Variants in FOSL2 observed in about 807,000 individuals in gnomAD.
FOSL2 encodes the protein fos-related antigen 2.
Under a neutral mutation model 27.7 loss-of-function variants are expected in FOSL2, and 3 were observed. The ratio of observed to expected loss-of-function variants is 0.11; its 90% CI spans 0.05 to 0.28. The LOEUF (loss-of-function observed/expected upper bound fraction) is 0.28. Ranked by LOEUF, FOSL2 falls within the 10% of genes least tolerant of loss-of-function variation. FOSL2 has a pLI of 1.00. For missense variants in FOSL2, 333 were observed against 445.1 expected (o/e 0.75, Z 2.27); for synonymous variants, 179 against 190.1 (o/e 0.94, Z 0.48).
intron 1 of FOSL2, among the ~76,000 whole-genome samples, chr2:28,397,406 C>T (rs1462585147): frequency 1.3e-5 from 2 of 150,764 alleles, no homozygotes; most frequent in African/African-American, 4.9e-5. Flanking sequence ...TTTTTTTTTT[C>T]CCCTTGATGT....
Position 28,413,812 on chromosome 2 carries a change from G to A in FOSL2, c.*1364G>A, listed in dbSNP as rs895287056. On this transcript the variant is annotated 3_prime_UTR_variant, in exon 4 of 4. Transcript: ENST00000264716. ...CTGTGAACAGCTGGCCTGAGCTGTC[G>A]CTGTGGCTTGTGGCTCATGCGCCAT... The A allele has an allele frequency of 5.8e-5, 23 of 398,872 alleles. No individual in the cohort carries two copies. The highest frequency in any genetic ancestry group is 1.3e-3 in the Middle Eastern group (2 of 1,588). The allele number at this position is 398,872 out of a possible 1,614,324, so 24.7% of individuals were successfully genotyped here.
Position 28,393,934 on chromosome 2 carries a change from G to T in FOSL2, c.102+112G>T, listed in dbSNP as rs892888484. 1.3e-6 allele frequency: 1 copy of T among 767,352 alleles called. No individual in the cohort carries two copies. Among genetic ancestry groups the T allele is most frequent in the Non-Finnish European group, 2.1e-6 (1 of 476,558 alleles). The allele number at this position is 767,352 out of a possible 1,614,324, so 47.5% of individuals were successfully genotyped here. A position where few individuals can be genotyped will look rare whatever the true frequency, so the allele number is the denominator to read the frequency against. On this transcript the variant is annotated intron_variant, in intron 1 of 3. Transcript: ENST00000264716. The surrounding 1 kb of genome is among the most constrained non-coding windows in gnomAD (Gnocchi z 4.6). ...TTTCTTGGCGAGAAAATACCTACGG[G>T]CCACCGTTGTAAGTTCTGGATTTTC...
At chr2:28,401,014 A>C (rs898691059) in intron 1 of FOSL2, among the ~76,000 whole-genome samples, 8 of 152,144 alleles carry the variant, frequency 5.3e-5, no homozygotes, top group Non-Finnish European at 8.8e-5. Flanking sequence ...CATTGTGCTG[A>C]ATGCCTCAGG....
chr2:28,415,338 C>T lies in FOSL2; in HGVS notation c.*2890C>T, dbSNP rs1257372385. On this transcript the variant is annotated 3_prime_UTR_variant, in exon 4 of 4. Coordinates refer to ENST00000264716, the MANE Select transcript of FOSL2 (RefSeq NM_005253.4). ...TGCTGGCACAGGAAGGAGAGGCGAT[C>T]CCGGCTGAGGCTTAGGAAATTGCTG... 1 of 152,212 alleles carries T rather than the reference C, an allele frequency of 6.6e-6. No individual in the cohort carries two copies. Among genetic ancestry groups the T allele is most frequent in the Non-Finnish European group, 1.5e-5 (1 of 68,058 alleles). The allele number at this position is 152,212 out of a possible 1,614,324, so 9.4% of individuals were successfully genotyped here. A position where few individuals can be genotyped will look rare whatever the true frequency, so the allele number is the denominator to read the frequency against.
intron 1 of FOSL2, among the ~76,000 whole-genome samples, chr2:28,402,955 A>G (rs1206277529): frequency 1.3e-5 from 2 of 152,244 alleles, no homozygotes; most frequent in Non-Finnish European, 2.9e-5. Flanking sequence ...TAGGTAAGCC[A>G]TGGTGTCTGA....
rs1419156570 is a variant in FOSL2 at position 28,392,904 on chromosome 2, C to G, written c.-817C>G. The G allele has an allele frequency of 4.2e-6, 3 of 713,052 alleles. No homozygotes were observed. In the East Asian group the frequency reaches 8.1e-5, roughly 19 times the overall value. The allele number at this position is 713,052 out of a possible 1,614,324, so 44.2% of individuals were successfully genotyped here. On this transcript the variant is annotated 5_prime_UTR_variant, in exon 1 of 4. Coordinates refer to ENST00000264716, the MANE Select transcript of FOSL2 (RefSeq NM_005253.4). ...AGCGCTAGGGCTCCGAGCGAACCAG[C>G]GAGCGAGCGAACGAGCGGCGCTCGG...
rs1664254815 is a variant in FOSL2, at chr2:28,413,648, T to C, written c.*1200T>C. Reference sequence around the variant, plus strand: ...GCCCCAGCACCCGCTCAGCCTGTCCTGGCTGCTCACCTCCCCGCAGGGCAC... The same window carrying C: ...GCCCCAGCACCCGCTCAGCCTGTCCCGGCTGCTCACCTCCCCGCAGGGCAC... On this transcript the variant is annotated 3_prime_UTR_variant, in exon 4 of 4. Transcript: ENST00000264716. 2 of 398,950 alleles carry C rather than the reference T, an allele frequency of 5.0e-6. No individual in the cohort carries two copies. The highest frequency in any genetic ancestry group is 4.1e-5 in the African/African-American group (2 of 48,658). The allele number at this position is 398,950 out of a possible 1,614,324, so 24.7% of individuals were successfully genotyped here.
Position 28,413,695 on chromosome 2 carries a change from G to T in FOSL2, c.*1247G>T. ...GCACCGGGCCTTTCCTGCCCTCTGTGGTCATCTGCCACCTGCTGGATCAAG... is the reference window on the plus strand; with the variant it reads ...GCACCGGGCCTTTCCTGCCCTCTGTTGTCATCTGCCACCTGCTGGATCAAG... On this transcript the variant is annotated 3_prime_UTR_variant, in exon 4 of 4. Transcript: ENST00000264716. The T allele has an allele frequency of 2.5e-6, 1 of 399,204 alleles. No individual in the cohort carries two copies. The highest frequency in any genetic ancestry group is 4.4e-6 in the Non-Finnish European group (1 of 226,498). The allele number at this position is 399,204 out of a possible 1,614,324, so 24.7% of individuals were successfully genotyped here.
At chr2:28,398,997 G>T (rs188173514) in intron 1 of FOSL2, among the ~76,000 whole-genome samples, 6 of 152,244 alleles carry the variant, frequency 3.9e-5, no homozygotes, top group Admixed American at 3.9e-4. Context: ...TCTCTTCTTG[G>T]GAGCCAATCT....
chr2:28,409,249 G>A (rs971315285), intron 3 of FOSL2, among the ~76,000 whole-genome samples: 1 of 152,126 alleles, frequency 6.6e-6, no homozygotes, highest in Non-Finnish European at 1.5e-5. Context: ...GCTGCTTCCC[G>A]AGGTTCCAGC....
chr2:28,411,151 A>G (rs1664189591), intron 3 of FOSL2, among the ~76,000 whole-genome samples: 1 of 147,268 alleles, frequency 6.8e-6, no homozygotes, highest in South Asian at 2.1e-4. Context: ...CTCTGTCTCA[A>G]AAAAAAAAAA....
In FOSL2 at chr2:28,400,662, C is replaced by T. The variant is rs183928953; in HGVS notation, c.103-3445C>T. Among the ~76,000 whole-genome samples the T allele has an allele frequency of 1.1e-4, 16 of 152,268 alleles. No homozygotes were observed. In the East Asian group the frequency reaches 1.5e-3, roughly 15 times the overall value. On this transcript the variant is annotated intron_variant, in intron 1 of 3. Coordinates refer to ENST00000264716, the MANE Select transcript of FOSL2 (RefSeq NM_005253.4). ...TCCTGTCTGAAACAAGGTGTACATG[C>T]GTTTCAGAGGCAGTCATTACCTCCT... is the stretch of plus-strand genomic sequence containing the variant.
rs1663721169 is a variant in FOSL2, at chr2:28,393,420, C to T, written c.-301C>T. 10 of 350,188 alleles carry T rather than the reference C, an allele frequency of 2.9e-5. No individual in the cohort carries two copies. In the East Asian group the frequency reaches 6.3e-4, roughly 22 times the overall value. The allele number at this position is 350,188 out of a possible 1,614,324, so 21.7% of individuals were successfully genotyped here. Reference sequence around the variant, plus strand: ...CTGCGCGCGGGGGCGGGAGGGCGCGCGCAGGGGAGGGACCGAGAGACGCGC... The same window carrying T: ...CTGCGCGCGGGGGCGGGAGGGCGCGTGCAGGGGAGGGACCGAGAGACGCGC... On this transcript the variant is annotated 5_prime_UTR_variant, in exon 1 of 4. Transcript: ENST00000264716. This position sits in a 1 kb window ranked among gnomAD's most constrained non-coding sequence, Gnocchi z 4.6.
chr2:28,393,464 G>C lies in FOSL2; in HGVS notation c.-257G>C, dbSNP rs1340458594. The C allele has an allele frequency of 2.2e-6, 1 of 453,044 alleles. No individual in the cohort carries two copies. The highest frequency in any genetic ancestry group is 2.1e-5 in the African/African-American group (1 of 47,434). 28.1% of individuals were successfully genotyped at this position (453,044 alleles called of 1,614,324 possible). A position where few individuals can be genotyped will look rare whatever the true frequency, so the allele number is the denominator to read the frequency against. ...GACGCGCCGACTTTTTAGAGGGAGG[G>C]ATCGGGTGGACAACTGGTCCCGCGG... On this transcript the variant is annotated 5_prime_UTR_variant, in exon 1 of 4. Transcript: ENST00000264716. This position sits in a 1 kb window ranked among gnomAD's most constrained non-coding sequence, Gnocchi z 4.6.
At position 28,411,935 on chromosome 2, in the gene FOSL2, A is replaced by T. The variant is rs772174969; in HGVS notation, c.468A>T (p.Thr156=). ...RELTEKLQAE[T]EELEEEKSGL... ...TCCCTCTCTTTCCGTGGCAGGAGAC[A>T]GAGGAGCTGGAGGAGGAGAAGTCAG... is the stretch of plus-strand genomic sequence containing the variant. The change falls in exon 4 of 4, where the codon ACA becomes ACT. Residue 156 remains threonine, a synonymous_variant. Coordinates refer to ENST00000264716, the MANE Select transcript of FOSL2 (RefSeq NM_005253.4). 2 of 1,614,048 alleles carry T rather than the reference A, an allele frequency of 1.2e-6. No individual in the cohort carries two copies. Among genetic ancestry groups the T allele is most frequent in the African/African-American group, 2.7e-5 (2 of 74,916 alleles).
In FOSL2 at chr2:28,404,448, A is replaced by G; in HGVS notation, c.354+90A>G. ...GGGTTTCTGCAGACTGGGAGGGTTA[A>G]TGTTCTGAGAGCAGGGGAGACAAGG... is the stretch of plus-strand genomic sequence containing the variant. On this transcript the variant is annotated intron_variant, in intron 2 of 3. Coordinates refer to ENST00000264716, the MANE Select transcript of FOSL2 (RefSeq NM_005253.4). This position sits in a 1 kb window ranked among gnomAD's most constrained non-coding sequence, Gnocchi z 4.7. 1 of 1,465,004 alleles carries G rather than the reference A, an allele frequency of 6.8e-7. No individual in the cohort carries two copies. The highest frequency in any genetic ancestry group is 9.2e-7 in the Non-Finnish European group (1 of 1,081,506). The allele number at this position is 1,465,004 out of a possible 1,614,324, so 90.8% of individuals were successfully genotyped here. A position where few individuals can be genotyped will look rare whatever the true frequency, so the allele number is the denominator to read the frequency against.
Position 28,408,880 on chromosome 2 carries a change from C to T in FOSL2, c.462+14C>T, listed in dbSNP as rs1312332827. The T allele has an allele frequency of 2.5e-6, 4 of 1,581,754 alleles. No homozygotes were observed. Among genetic ancestry groups the T allele is most frequent in the African/African-American group, 1.3e-5 (1 of 74,176 alleles). Reference sequence around the variant, plus strand: ...AAGCTGCAGGCGGTGAGGAACTCTGCGTAGGGTGGGAGCACCTCTGGGTGG... The same window carrying T: ...AAGCTGCAGGCGGTGAGGAACTCTGTGTAGGGTGGGAGCACCTCTGGGTGG... On this transcript the variant is annotated intron_variant, in intron 3 of 3. Transcript: ENST00000264716. This position sits in a 1 kb window ranked among gnomAD's most constrained non-coding sequence, Gnocchi z 4.1.
chr2:28,412,430 C>A lies in FOSL2; in HGVS notation c.963C>A (p.Pro321=), dbSNP rs373839782. Residue 321 remains proline, a synonymous_variant, in exon 4 of 4, where the codon CCC becomes CCA. Coordinates refer to ENST00000264716, the MANE Select transcript of FOSL2 (RefSeq NM_005253.4). The surrounding 1 kb of genome is among the most constrained non-coding windows in gnomAD (Gnocchi z 7.1). Reference sequence around the variant, plus strand: ...AATCATCAGACTCCTTGAACTCCCCCACTCTGCTGGCTCTGTAACCCAGTG... The same window carrying A: ...AATCATCAGACTCCTTGAACTCCCCAACTCTGCTGGCTCTGTAACCCAGTG... ...GDQSSDSLNS[P]TLLAL is the part of the protein sequence containing the mutation. The A allele has an allele frequency of 5.6e-6, 9 of 1,600,478 alleles. No homozygotes were observed. The highest frequency in any genetic ancestry group is 2.7e-5 in the African/African-American group (2 of 75,044).
At chr2:28,397,537 G>C (rs773733539) in intron 1 of FOSL2, among the ~76,000 whole-genome samples, 1 of 152,194 alleles carries the variant, frequency 6.6e-6, no homozygotes, top group African/African-American at 2.4e-5. Flanking sequence ...TGAAATAGCA[G>C]TCATGTATTG....
Sources: allele counts gnomAD v4.1 joint callset (sites outside exome capture counted in the v4.1 genomes callset), GRCh38; gene constraint gnomAD v4.1.1; non-coding constraint Gnocchi (gnomAD v3.1); transcripts MANE v1.5; gene names NCBI Gene and HGNC (gene_info 2026-07-23, HGNC 2026-07-21).